NCALD: variants seen among roughly 807,000 people sequenced by gnomAD.
NCALD encodes neurocalcin-delta.
A neutral mutation model predicts 18.6 loss-of-function variants in NCALD; 10 were observed. The observed-to-expected ratio is 0.54, with a 90% CI of 0.33 to 0.91. The LOEUF is 0.91. Among genes scored for constraint, NCALD ranks in the 40% least tolerant of loss-of-function variants. NCALD has a pLI of 0.03. For synonymous variants in NCALD, 88 were observed against 87.4 expected (o/e 1.01, Z -0.04); for missense variants, 184 against 247.6 (o/e 0.74, Z 1.72).
At chr8:101,829,160 G>C (rs1250454332) in intron 4 of NCALD, among the ~76,000 whole-genome samples, 11 of 151,662 alleles carry the variant, frequency 7.3e-5, no homozygotes, top group Admixed American at 6.5e-4. Flanking sequence ...TACAGTGCTA[G>C]TATTTTTTTC....
At chr8:101,831,034 GCTTGAGTGTA>G (rs1180111692) in intron 4 of NCALD, among the ~76,000 whole-genome samples, 2 of 152,090 alleles carry the variant, frequency 1.3e-5, no homozygotes, top group Non-Finnish European at 2.9e-5. Context: ...ACCTGACCTG[GCTTGAGTGTA>G]CATGATGTGG....
At chr8:101,872,039 C>A in intron 4 of NCALD, 1 of 1,265,576 alleles carries the variant, frequency 7.9e-7, no homozygotes, top group Non-Finnish European at 1.1e-6. Flanking sequence ...ATGTCTCCTT[C>A]CAAGTAAACA....
intron 4 of NCALD, among the ~76,000 whole-genome samples, chr8:101,854,904 G>A (rs951763487): frequency 1.3e-5 from 2 of 152,090 alleles, no homozygotes; most frequent in African/African-American, 4.8e-5. Context: ...TAGGTACTAG[G>A]GATACTGAGA....
intron 1 of NCALD, among the ~76,000 whole-genome samples, chr8:101,784,551 C>A (rs1812145968): frequency 6.6e-6 from 1 of 152,074 alleles, no homozygotes; most frequent in South Asian, 2.1e-4. Flanking sequence ...AATCTCAGCC[C>A]TTTGGGAAGC....
intron 4 of NCALD, among the ~76,000 whole-genome samples, chr8:101,868,728 C>T (rs1815881093): frequency 6.6e-6 from 1 of 152,190 alleles, no homozygotes; most frequent in Admixed American, 6.5e-5. Context: ...ACTTCATTTG[C>T]ATGGGGTATA....
intron 1 of NCALD, among the ~76,000 whole-genome samples, chr8:102,110,976 A>G (rs777753218): frequency 1.3e-5 from 2 of 152,198 alleles, no homozygotes. Context: ...TGAAAAAAAT[A>G]ATTTAAAAAA....
chr8:101,710,106 G>A (rs1014196969), intron 2 of NCALD, among the ~76,000 whole-genome samples: 1 of 152,154 alleles, frequency 6.6e-6, no homozygotes, highest in African/African-American at 2.4e-5. Flanking sequence ...GTTAGACAGT[G>A]AGTACAGCCC....
At chr8:101,833,049 C>G (rs1814251964) in intron 4 of NCALD, among the ~76,000 whole-genome samples, 1 of 152,204 alleles carries the variant, frequency 6.6e-6, no homozygotes, top group African/African-American at 2.4e-5. Flanking sequence ...TCTGAAGAGG[C>G]TATGAAGTTC....
rs148922720 is a variant in NCALD at position 102,068,010 on chromosome 8, C to T, written c.-209-47721G>A. Among the ~76,000 whole-genome samples the T allele has an allele frequency of 1.0e-3, 152 of 152,318 alleles. 1 individual carries two copies. The highest frequency in any genetic ancestry group is 3.5e-3 in the African/African-American group (146 of 41,572). ...GTCCTCCAGTTCTAACAGTCTGGGT[C>T]TACACAATTGGCTGTGTCTTCCAGT... On this transcript the variant is annotated intron_variant, in intron 1 of 6. Transcript: ENST00000311028.
At chr8:101,761,890 C>T (rs1811124048) in intron 1 of NCALD, among the ~76,000 whole-genome samples, 1 of 152,174 alleles carries the variant, frequency 6.6e-6, no homozygotes, top group African/African-American at 2.4e-5. Flanking sequence ...TTTCTCTTCC[C>T]CCGTTTCGGG....
intron 2 of NCALD, among the ~76,000 whole-genome samples, chr8:101,917,780 C>G (rs781668468): frequency 3.3e-5 from 5 of 151,964 alleles, no homozygotes; most frequent in Non-Finnish European, 7.4e-5. Context: ...TTAGAAGGAA[C>G]TTGAAACCCT....
intron 1 of NCALD, among the ~76,000 whole-genome samples, chr8:101,725,749 AC>A (rs1816544371): frequency 6.6e-6 from 1 of 152,064 alleles, no homozygotes; most frequent in South Asian, 2.1e-4. Flanking sequence ...AGCAAGCCAC[AC>A]CCCTGTTGCA....
chr8:101,978,199 A>T (rs1459115164), intron 2 of NCALD, among the ~76,000 whole-genome samples: 1 of 151,832 alleles, frequency 6.6e-6, no homozygotes, highest in Non-Finnish European at 1.5e-5. Context: ...GTACTTATGT[A>T]TCCCAACTAT....
At chr8:101,898,297 T>G (rs1817285222) in intron 3 of NCALD, among the ~76,000 whole-genome samples, 1 of 152,228 alleles carries the variant, frequency 6.6e-6, no homozygotes, top group African/African-American at 2.4e-5. Context: ...CTAGGGATGC[T>G]GAACATCTTT....
intron 2 of NCALD, among the ~76,000 whole-genome samples, chr8:101,929,920 T>G (rs1201392071): frequency 1.3e-5 from 2 of 151,898 alleles, no homozygotes; most frequent in Non-Finnish European, 2.9e-5. Flanking sequence ...CCCAGTGTGG[T>G]GATGGGTGCC....
intron 2 of NCALD, among the ~76,000 whole-genome samples, chr8:102,018,309 C>G (rs1822157892): frequency 6.6e-6 from 1 of 152,190 alleles, no homozygotes; most frequent in African/African-American, 2.4e-5. Context: ...TTTGTAGCAG[C>G]TTTATTCCTA....
At chr8:101,718,028 A>G (rs1340308378) in intron 2 of NCALD, among the ~76,000 whole-genome samples, 1 of 152,208 alleles carries the variant, frequency 6.6e-6, no homozygotes, top group Admixed American at 6.5e-5. Flanking sequence ...GATCATGAAT[A>G]TTAATCATCA....
chr8:102,091,526 A>G (rs1824922716), intron 1 of NCALD, among the ~76,000 whole-genome samples: 1 of 152,238 alleles, frequency 6.6e-6, no homozygotes, highest in South Asian at 2.1e-4. Flanking sequence ...GTAATCATCT[A>G]GCAACCCCAT....
At chr8:101,931,405 T>C (rs1818567184) in intron 2 of NCALD, among the ~76,000 whole-genome samples, 1 of 152,176 alleles carries the variant, frequency 6.6e-6, no homozygotes, top group Non-Finnish European at 1.5e-5. Flanking sequence ...TCAGATATAC[T>C]GTGTATCTGA....
Sources: allele counts gnomAD v4.1 joint callset (sites outside exome capture counted in the v4.1 genomes callset), GRCh38; gene constraint gnomAD v4.1.1; transcripts MANE v1.5; gene names NCBI Gene and HGNC (gene_info 2026-07-23, HGNC 2026-07-21).